ALG13: variants seen among roughly 807,000 people sequenced by gnomAD.
ALG13 encodes the protein ALG13 UDP-N-acetylglucosaminyltransferase subunit.
ALG13 carries 11 observed loss-of-function variants against 87.8 expected under a neutral mutation model. That is an observed-to-expected ratio of 0.13 (90% CI 0.08 to 0.21). ALG13 has a LOEUF of 0.21. Ranked by LOEUF, ALG13 falls within the 10% of genes least tolerant of loss-of-function variation. ALG13 has a pLI of 1.00. For synonymous variants in ALG13, 320 were observed against 306.3 expected (o/e 1.04, Z -0.47); for missense variants, 756 against 866.1 (o/e 0.87, Z 1.60).
Position 111,738,479 on chromosome X carries a change from G to C in ALG13, c.2695+1600G>C, listed in dbSNP as rs151287409. On this transcript the variant is annotated intron_variant, in intron 23 of 26. Coordinates refer to ENST00000394780, the MANE Select transcript of ALG13 (RefSeq NM_001099922.3). ...TTTGAATTTCAGATTTTCAAATTAG[G>C]GATACCCACTCTGTATGTACAGCAG... Among the ~76,000 whole-genome samples the C allele has an allele frequency of 5.3e-3, 591 of 112,057 alleles. 4 individuals carry two copies. The highest frequency in any genetic ancestry group is 0.017 in the African/African-American group (528 of 30,893).
chrX:111,713,780 T>C (rs189360909), intron 8 of ALG13, among the ~76,000 whole-genome samples: 157 of 112,277 alleles, frequency 1.4e-3, no homozygotes, highest in South Asian at 6.6e-3. Flanking sequence ...TGTTTTCATA[T>C]GTATTTCTTT....
intron 3 of ALG13, among the ~76,000 whole-genome samples, chrX:111,705,837 C>T (rs1938642320): frequency 9.0e-6 from 1 of 110,698 alleles, no homozygotes; most frequent in African/African-American, 3.3e-5. Context: ...GTCTTCCTGT[C>T]CCTACTTGTG....
chrX:111,750,524 T>C (rs909887443), intron 24 of ALG13, among the ~76,000 whole-genome samples: 1 of 111,542 alleles, frequency 9.0e-6, no homozygotes, highest in Non-Finnish European at 1.9e-5. Context: ...ATTGAAGATT[T>C]GTGAGAACCC....
intron 3 of ALG13, among the ~76,000 whole-genome samples, chrX:111,700,323 A>G (rs1431761899): frequency 9.0e-6 from 1 of 110,967 alleles, no homozygotes; most frequent in East Asian, 2.8e-4. Flanking sequence ...ATCAGCAAAT[A>G]AAGATAATTT....
chrX:111,722,133 TAAAAG>T (rs1941461992), intron 12 of ALG13, among the ~76,000 whole-genome samples: 1 of 111,880 alleles, frequency 8.9e-6, no homozygotes, highest in Admixed American at 9.5e-5. Context: ...CAGAAAAAAT[TAAAAG>T]AATAATATAT....
intron 1 of ALG13, 63 bp from the exon 2 acceptor site, chrX:111,682,069 G>T (rs1933528081): frequency 1.9e-6 from 2 of 1,031,627 alleles, no homozygotes; most frequent in Non-Finnish European, 2.6e-6. Flanking sequence ...TAGTGGTGGT[G>T]GTTCCTGCTC....
At chrX:111,703,476 G>A (rs1938246001) in intron 3 of ALG13, among the ~76,000 whole-genome samples, 1 of 111,221 alleles carries the variant, frequency 9.0e-6, no homozygotes, top group Non-Finnish European at 1.9e-5. Flanking sequence ...CACTACCACA[G>A]TCGAGATGCA....
intron 8 of ALG13, among the ~76,000 whole-genome samples, chrX:111,716,517 C>G (rs1940621223): frequency 8.9e-6 from 1 of 112,350 alleles, no homozygotes; most frequent in Non-Finnish European, 1.9e-5. Context: ...CAAAGGATTT[C>G]TCTGCTCAAA....
At chrX:111,685,984 G>T (rs1305808965) in intron 3 of ALG13, among the ~76,000 whole-genome samples, 1 of 112,133 alleles carries the variant, frequency 8.9e-6, no homozygotes, top group Non-Finnish European at 1.9e-5. Flanking sequence ...TAAGAGTTCT[G>T]ATTTTATTCA....
chrX:111,723,617 A>G (rs1248933762), intron 13 of ALG13, among the ~76,000 whole-genome samples, 181 bp from the exon 14 acceptor site: 1 of 112,094 alleles, frequency 8.9e-6, no homozygotes, highest in Non-Finnish European at 1.9e-5. Flanking sequence ...TTAATTACAA[A>G]TTTAGTGATT....
At chrX:111,754,721 T>A (rs1165790824) in intron 25 of ALG13, among the ~76,000 whole-genome samples, 1 of 111,516 alleles carries the variant, frequency 9.0e-6, no homozygotes, top group East Asian at 2.8e-4. Context: ...TTACAAGGGA[T>A]GTGAAGGACC....
intron 3 of ALG13, among the ~76,000 whole-genome samples, chrX:111,685,843 G>A (rs1229508068): frequency 8.9e-6 from 1 of 111,908 alleles, no homozygotes; most frequent in Non-Finnish European, 1.9e-5. Context: ...GGAACAGCAA[G>A]TGCAAAAGCC....
At chrX:111,744,598 G>A in intron 23 of ALG13, 70 bp from the exon 24 acceptor site, 1 of 1,083,018 alleles carries the variant, frequency 9.2e-7, no homozygotes, top group South Asian at 2.0e-5. Flanking sequence ...GACAAGAAAA[G>A]TAGATGAGCC....
chrX:111,704,357 C>G (rs1437879789), intron 3 of ALG13, among the ~76,000 whole-genome samples: 1 of 111,314 alleles, frequency 9.0e-6, no homozygotes. Context: ...AGGTATATAC[C>G]TAAGATAATT....
At chrX:111,703,405 G>A (rs937633371) in intron 3 of ALG13, among the ~76,000 whole-genome samples, 4 of 111,275 alleles carry the variant, frequency 3.6e-5, no homozygotes, top group African/African-American at 1.3e-4. Context: ...TTTAAATACA[G>A]TAAAATTGGC....
At chrX:111,690,986 A>G (rs180710110) in intron 3 of ALG13, among the ~76,000 whole-genome samples, 3 of 111,896 alleles carry the variant, frequency 2.7e-5, no homozygotes, top group Non-Finnish European at 5.6e-5. Flanking sequence ...AGTCTGAGAA[A>G]TGACACATGG....
At chrX:111,739,966 C>T (rs1943605186) in intron 23 of ALG13, among the ~76,000 whole-genome samples, 1 of 111,048 alleles carries the variant, frequency 9.0e-6, no homozygotes, top group South Asian at 3.8e-4. Context: ...GCTACCAGAA[C>T]AATTAGAGAC....
intron 3 of ALG13, among the ~76,000 whole-genome samples, chrX:111,693,512 C>T (rs1337340419): frequency 9.0e-6 from 1 of 111,294 alleles, no homozygotes; most frequent in Non-Finnish European, 1.9e-5. Context: ...TCCTAAAGTG[C>T]TGGGATTACA....
chrX:111,685,514 TTTCATTTA>T (rs1934704035), intron 3 of ALG13, among the ~76,000 whole-genome samples: 1 of 112,493 alleles, frequency 8.9e-6, no homozygotes, highest in African/African-American at 3.2e-5. Context: ...ATATTTACTC[TTTCATTTA>T]TTCAGTTACA....
Sources: allele counts gnomAD v4.1 joint callset (sites outside exome capture counted in the v4.1 genomes callset), GRCh38; gene constraint gnomAD v4.1.1; transcripts MANE v1.5; gene names NCBI Gene and HGNC (gene_info 2026-07-23, HGNC 2026-07-21).